The following KPNA6 variants were observed in gnomAD, a reference collection of about 807,000 sequenced individuals.
KPNA6 encodes the protein importin subunit alpha-7.
Under a neutral mutation model 72.0 loss-of-function variants are expected in KPNA6, and 9 were observed. The ratio of observed to expected loss-of-function variants is 0.13; its 90% CI spans 0.08 to 0.22. The LOEUF (loss-of-function observed/expected upper bound fraction) is 0.22, where lower values mean the gene tolerates loss of function less well. Among genes scored for constraint, KPNA6 ranks in the 10% least tolerant of loss-of-function variants. The pLI is 1.00. For synonymous variants in KPNA6, 219 were observed against 242.1 expected (o/e 0.90, Z 0.89); for missense variants, 374 against 655.7 (o/e 0.57, Z 4.69).
intron 1 of KPNA6, among the ~76,000 whole-genome samples, chr1:32,144,325 A>T (rs1223501651): frequency 6.6e-6 from 1 of 152,220 alleles, no homozygotes; most frequent in Non-Finnish European, 1.5e-5. Context: ...TCATCATGTT[A>T]CTTGGAATAG....
At chr1:32,146,656 G>C (rs1039469270) in intron 1 of KPNA6, among the ~76,000 whole-genome samples, 1 of 152,100 alleles carries the variant, frequency 6.6e-6, no homozygotes, top group Non-Finnish European at 1.5e-5. Context: ...TAAACATTGT[G>C]TGACCAATAA....
intron 1 of KPNA6, among the ~76,000 whole-genome samples, chr1:32,115,666 C>T (rs1247634041): frequency 1.3e-5 from 2 of 152,136 alleles, no homozygotes; most frequent in Non-Finnish European, 1.5e-5. Flanking sequence ...CTCAAGTGAT[C>T]CTTATTCCTC....
At chr1:32,161,262 C>A (rs1429286836) in intron 7 of KPNA6, among the ~76,000 whole-genome samples, 1 of 152,152 alleles carries the variant, frequency 6.6e-6, no homozygotes, top group Non-Finnish European at 1.5e-5. Context: ...ATTGTTGAGC[C>A]AGGGGAGAGA....
rs374404317 is a variant in KPNA6, at chr1:32,156,952, C to A, written c.231+7C>A. 6.8e-6 allele frequency: 11 copies of A among 1,605,876 alleles called. No homozygotes were observed. In the African/African-American group the frequency reaches 1.2e-4, roughly 18 times the overall value. On this transcript the variant is annotated splice_region_variant and intron_variant, in intron 3 of 13. Transcript: ENST00000373625. ...TGTGAGCTCTACCACTGGGGTAAGG[C>A]CCCTGCATGTGCCTCAGGCTGACCT...
intron 1 of KPNA6, among the ~76,000 whole-genome samples, chr1:32,116,040 G>A (rs964981372): frequency 1.3e-5 from 2 of 152,044 alleles, no homozygotes; most frequent in Non-Finnish European, 2.9e-5. Context: ...CACTGCGCTC[G>A]GCTCCTTAAA....
chr1:32,146,514 A>T (rs879518540), intron 1 of KPNA6, among the ~76,000 whole-genome samples: 25 of 152,176 alleles, frequency 1.6e-4, no homozygotes, highest in Non-Finnish European at 3.2e-4. Flanking sequence ...ACACCATGGG[A>T]ATTACACTTA....
At chr1:32,164,827 G>C (rs1451646014) in intron 10 of KPNA6, among the ~76,000 whole-genome samples, 1 of 151,072 alleles carries the variant, frequency 6.6e-6, no homozygotes, top group African/African-American at 2.4e-5. Context: ...CACATGTTTT[G>C]CAAATATTTT....
Position 32,173,121 on chromosome 1 carries a change from CT to C in KPNA6, c.*2234del. The C allele has an allele frequency of 3.2e-6, 1 of 314,540 alleles. No homozygotes were observed. Among genetic ancestry groups the C allele is most frequent in the Non-Finnish European group, 5.5e-6 (1 of 182,836 alleles). 19.5% of individuals were successfully genotyped at this position (314,540 alleles called of 1,614,324 possible). A position where few individuals can be genotyped will look rare whatever the true frequency, so the allele number is the denominator to read the frequency against. On this transcript the variant is annotated 3_prime_UTR_variant, in exon 14 of 14. Coordinates refer to ENST00000373625, the MANE Select transcript of KPNA6 (RefSeq NM_012316.5). ...CTCCCAGGAAGGCAGGGGGCAGAAT[CT>C]TTTTTTCACTTGGCCTGCTACCTCC...
At chr1:32,127,637 A>G (rs929403905) in intron 1 of KPNA6, among the ~76,000 whole-genome samples, 1 of 152,212 alleles carries the variant, frequency 6.6e-6, no homozygotes, top group African/African-American at 2.4e-5. Context: ...GGTACTGCAG[A>G]ATAGAGGCCA....
At chr1:32,156,532 G>A (rs986584346) in intron 2 of KPNA6, among the ~76,000 whole-genome samples, 12 of 152,138 alleles carry the variant, frequency 7.9e-5, no homozygotes, top group African/African-American at 2.9e-4. Context: ...TGGATGCACT[G>A]GACAAAGGAT....
chr1:32,151,436 A>G (rs568408271), intron 1 of KPNA6, among the ~76,000 whole-genome samples: 11 of 152,278 alleles, frequency 7.2e-5, no homozygotes, highest in African/African-American at 1.7e-4. Flanking sequence ...AGCTTCACCC[A>G]GCATGTATGC....
chr1:32,135,781 G>GTT (rs907498090), intron 1 of KPNA6, among the ~76,000 whole-genome samples: 5 of 141,808 alleles, frequency 3.5e-5, no homozygotes, highest in East Asian at 2.0e-4. Flanking sequence ...GAGTTATGGG[G>GTT]TTTTTTTTTT....
chr1:32,125,804 G>C (rs369532367), intron 1 of KPNA6, among the ~76,000 whole-genome samples: 1 of 152,048 alleles, frequency 6.6e-6, no homozygotes, highest in East Asian at 1.9e-4. Context: ...CATATAACTT[G>C]TATAACACCT....
At chr1:32,119,021 TATATATATATA>T (rs1641382087) in intron 1 of KPNA6, among the ~76,000 whole-genome samples, 13 of 81,450 alleles carry the variant, frequency 1.6e-4, no homozygotes, top group Admixed American at 7.2e-4. Context: ...TATATATATA[TATATATATATA>T]TTTTTTTTTT....
chr1:32,121,799 C>T (rs1280513938), intron 1 of KPNA6, among the ~76,000 whole-genome samples: 1 of 151,254 alleles, frequency 6.6e-6, no homozygotes, highest in Non-Finnish European at 1.5e-5. Context: ...ATGGTGAAAC[C>T]CCAGATCTAC....
chr1:32,113,129 G>A lies in KPNA6; in HGVS notation c.4+4995G>A, dbSNP rs187773717. Among the ~76,000 whole-genome samples, 300 of 152,234 alleles carry A rather than the reference G, an allele frequency of 2.0e-3. 1 individual carries two copies. Among genetic ancestry groups the A allele is most frequent in the Non-Finnish European group, 3.4e-3 (229 of 68,016 alleles). ...AAATCTGCCGGTCTTGGTGGCTCAC[G>A]CCTATGATGCCAGCACTTTGAGAGG... On this transcript the variant is annotated intron_variant, in intron 1 of 13. Transcript: ENST00000373625.
At chr1:32,116,697 G>A (rs1050195740) in intron 1 of KPNA6, among the ~76,000 whole-genome samples, 2 of 152,200 alleles carry the variant, frequency 1.3e-5, no homozygotes, top group Admixed American at 6.6e-5. Context: ...GCTAACTGGC[G>A]CAAGAGGCTT....
intron 4 of KPNA6, 146 bp from the exon 5 acceptor site, chr1:32,158,121 A>G: frequency 1.6e-6 from 1 of 613,364 alleles, no homozygotes; most frequent in Non-Finnish European, 2.9e-6. Context: ...ACGAGTAGAT[A>G]TTGTTAAAAC....
At position 32,109,389 on chromosome 1, in the gene KPNA6, C is replaced by T. The variant is rs553787895; in HGVS notation, c.4+1255C>T. Among the ~76,000 whole-genome samples the T allele has an allele frequency of 5.9e-5, 9 of 152,002 alleles. No individual in the cohort carries two copies. The South Asian group carries it at 1.9e-3, about 32-fold the overall frequency. On this transcript the variant is annotated intron_variant, in intron 1 of 13. Transcript: ENST00000373625. ...GTTTCGTCATGTTGGCCAGGCTGGT[C>T]TCGAACCCCTGACCTCAAGTGATTC...
Sources: gnomAD v4.1 joint callset for allele counts (sites outside exome capture counted in the v4.1 genomes callset) on GRCh38, gnomAD v4.1.1 for gene constraint, MANE v1.5 for transcripts, NCBI Gene and HGNC (gene_info 2026-07-23, HGNC 2026-07-21) for gene names.